ATG7: variants seen among roughly 807,000 people sequenced by gnomAD.
ATG7 encodes the protein ubiquitin-like modifier-activating enzyme ATG7.
In ATG7, 70 loss-of-function variants were observed where a neutral mutation model predicts 82.4. That is an observed-to-expected ratio of 0.85 (90% CI 0.70 to 1.04). The LOEUF is 1.04. ATG7 is among the 50% of genes least tolerant of loss of function. The pLI is 0.00. For synonymous variants in ATG7, 287 were observed against 313.0 expected (o/e 0.92, Z 0.88); for missense variants, 792 against 864.3 (o/e 0.92, Z 1.05).
At chr3:11,566,685 C>T in the ATG7 span, among the ~76,000 whole-genome samples, 1 of 152,212 alleles carries the variant, frequency 6.6e-6, no homozygotes, top group Non-Finnish European at 1.5e-5. Flanking sequence ...AGCCTCCCTC[C>T]TCCCCGTCCT....
At chr3:11,333,170 C>G in intron 11 of ATG7, 77 bp downstream of exon 11, 1 of 1,430,346 alleles carries the variant, frequency 7.0e-7, no homozygotes, top group Non-Finnish European at 9.2e-7. Context: ...CTTTTCATAT[C>G]GTCACAATGG....
intron 18 of ATG7, among the ~76,000 whole-genome samples, chr3:11,370,671 A>T (rs931236986): frequency 3.3e-5 from 5 of 151,018 alleles, no homozygotes; most frequent in Non-Finnish European, 7.4e-5. Context: ...CCTGGGTCTG[A>T]AGCTAATTTT....
In ATG7 at chr3:11,273,033, A is replaced by G. The variant is rs1940843212; in HGVS notation, c.-366+603A>G. 1.3e-5 allele frequency among the ~76,000 whole-genome samples: 2 copies of G among 152,258 alleles called. 1 individual carries two copies. The highest frequency in any genetic ancestry group is 4.1e-4 in the South Asian group (2 of 4,834). ...AAACTTCTAATTTTATAAGTACAGT[A>G]CTAACGTACATGATGTTGGAGAAGT... On this transcript the variant is annotated intron_variant, in intron 1 of 20. Coordinates refer to ENST00000693202, the MANE Select transcript of ATG7 (RefSeq NM_001349232.2).
At chr3:11,513,102 C>G (rs539428454) in intron 20 of ATG7, among the ~76,000 whole-genome samples, 1 of 152,188 alleles carries the variant, frequency 6.6e-6, no homozygotes, top group African/African-American at 2.4e-5. Context: ...TACAGAGTGC[C>G]GATTGGTGTA....
chr3:11,490,693 C>T (rs1438363964), intron 20 of ATG7, among the ~76,000 whole-genome samples: 2 of 152,072 alleles, frequency 1.3e-5, no homozygotes, highest in East Asian at 1.9e-4. Flanking sequence ...TCAGCATTTG[C>T]TTGTCTGTAA....
chr3:11,384,931 A>C (rs2078201047), intron 19 of ATG7, among the ~76,000 whole-genome samples: 2 of 152,242 alleles, frequency 1.3e-5, no homozygotes, highest in Non-Finnish European at 2.9e-5. Flanking sequence ...CGACAGAGCA[A>C]GACTCTGTCA....
chr3:11,296,066 C>T (rs1945860534), intron 3 of ATG7, among the ~76,000 whole-genome samples: 1 of 152,238 alleles, frequency 6.6e-6, no homozygotes, highest in Admixed American at 6.5e-5. Flanking sequence ...GCATGAGCCA[C>T]CGCGCCTGGC....
At chr3:11,307,836 A>G (rs1263873427) in intron 6 of ATG7, among the ~76,000 whole-genome samples, 1 of 152,202 alleles carries the variant, frequency 6.6e-6, no homozygotes, top group African/African-American at 2.4e-5. Flanking sequence ...TGCAGTGGTC[A>G]GGTCCTGAGG....
intron 3 of ATG7, among the ~76,000 whole-genome samples, chr3:11,284,430 A>T (rs1465571677): frequency 6.6e-6 from 1 of 152,250 alleles, no homozygotes; most frequent in African/African-American, 2.4e-5. Context: ...ATTTAGAGTA[A>T]TGAATTGCTT....
chr3:11,378,761 CACAA>C (rs1158289807), intron 18 of ATG7, among the ~76,000 whole-genome samples: 4 of 148,622 alleles, frequency 2.7e-5, no homozygotes, highest in East Asian at 4.0e-4. Context: ...GAGAAGTATG[CACAA>C]ACAGTTAACA....
At chr3:11,298,903 G>GGTATAGTGAGGATATAGTGA in intron 4 of ATG7, 48 bp downstream of exon 4, 1 of 1,598,170 alleles carries the variant, frequency 6.3e-7, no homozygotes, top group Non-Finnish European at 8.6e-7. Context: ...TTATCCTCAC[G>GGTATAGTGAGGATATAGTGA]GTCCTCCAGT....
chr3:11,569,008 G>T, the ATG7 span: 1 of 984,670 alleles, frequency 1.0e-6, no homozygotes, highest in Non-Finnish European at 1.2e-6. Flanking sequence ...CCAGGACAGA[G>T]CTTTCTGAGT....
At position 11,362,760 on chromosome 3, in the gene ATG7, A is replaced by G. The variant is rs2076361344; in HGVS notation, c.1684-53A>G. On this transcript the variant is annotated intron_variant, in intron 16 of 20. Coordinates refer to ENST00000693202, the MANE Select transcript of ATG7 (RefSeq NM_001349232.2). ...AGAGGATTTCATACTTGAGACAGCT[A>G]GAGTTGAATGGAGTAGAACGTTCTG... The G allele has an allele frequency of 2.8e-6, 4 of 1,439,754 alleles. No individual in the cohort carries two copies. In the South Asian group the frequency reaches 3.7e-5, roughly 13 times the overall value. 89.2% of individuals were successfully genotyped at this position (1,439,754 alleles called of 1,614,324 possible). A position where few individuals can be genotyped will look rare whatever the true frequency, so the allele number is the denominator to read the frequency against.
chr3:11,301,629 C>T (rs555860557), intron 5 of ATG7, among the ~76,000 whole-genome samples: 211 of 152,232 alleles, frequency 1.4e-3, no homozygotes, highest in African/African-American at 4.8e-3. Context: ...TTGTGGTTAC[C>T]TGTCAAAAGA....
At chr3:11,306,871 G>A (rs1379872877) in intron 5 of ATG7, 72 bp from the exon 6 acceptor site, 6 of 1,153,942 alleles carry the variant, frequency 5.2e-6, no homozygotes, top group Non-Finnish European at 7.8e-6. Flanking sequence ...TCCCACTACA[G>A]TGGTGGTTGA....
chr3:11,330,389 A>AC (rs1476837290), intron 9 of ATG7, among the ~76,000 whole-genome samples: 2 of 152,062 alleles, frequency 1.3e-5, no homozygotes, highest in Non-Finnish European at 2.9e-5. Context: ...CTTATTTTAT[A>AC]CTTTGGGTTA....
chr3:11,359,774 C>T (rs1030236201), intron 15 of ATG7, among the ~76,000 whole-genome samples: 2 of 151,496 alleles, frequency 1.3e-5, no homozygotes, highest in Non-Finnish European at 2.9e-5. Flanking sequence ...GCCTGTAATT[C>T]CAGCTACTGG....
At chr3:11,419,748 T>A (rs2081764940) in intron 19 of ATG7, among the ~76,000 whole-genome samples, 1 of 151,908 alleles carries the variant, frequency 6.6e-6, no homozygotes, top group South Asian at 2.1e-4. Flanking sequence ...GAGTAAGGAG[T>A]CACCAAAGTG....
At position 11,555,732 on chromosome 3, in the gene ATG7, T is replaced by A. The variant is rs920575019; in HGVS notation, c.*889T>A. On this transcript the variant is annotated 3_prime_UTR_variant, in exon 21 of 21. Transcript: ENST00000693202. Reference sequence around the variant, plus strand: ...GGTTTTCCTCTTTATTCTGGGTGTGTGCAGCTGTGAGGCCCCAACCCAGGA... The same window carrying A: ...GGTTTTCCTCTTTATTCTGGGTGTGAGCAGCTGTGAGGCCCCAACCCAGGA... The A allele has an allele frequency of 6.6e-6, 1 of 152,304 alleles. No individual in the cohort carries two copies. Among genetic ancestry groups the A allele is most frequent in the African/African-American group, 2.4e-5 (1 of 41,394 alleles). The allele number at this position is 152,304 out of a possible 1,614,324, so 9.4% of individuals were successfully genotyped here. A position where few individuals can be genotyped will look rare whatever the true frequency, so the allele number is the denominator to read the frequency against.
Sources: allele counts gnomAD v4.1 joint callset (sites outside exome capture counted in the v4.1 genomes callset), GRCh38; gene constraint gnomAD v4.1.1; transcripts MANE v1.5; gene names NCBI Gene and HGNC (gene_info 2026-07-23, HGNC 2026-07-21).